SLC7A14: variants seen among roughly 807,000 people sequenced by gnomAD.
SLC7A14 encodes gamma-aminobutyric acid transporter SLC7A14.
SLC7A14 carries 37 observed loss-of-function variants against 60.2 expected under a neutral mutation model. That is an observed-to-expected ratio of 0.61 (90% confidence interval 0.47 to 0.81). The LOEUF (loss-of-function observed/expected upper bound fraction) is 0.81, where lower values mean the gene tolerates loss of function less well. Ranked by LOEUF, SLC7A14 falls within the 30% of genes least tolerant of loss-of-function variation. The pLI is 0.00. For missense variants in SLC7A14, 886 were observed against 982.7 expected (o/e 0.90, Z 1.32); for synonymous variants, 399 against 395.8 (o/e 1.01, Z -0.10).
In SLC7A14 at chr3:170,509,801, G is replaced by A. The variant is rs549989076; in HGVS notation, c.305-8456C>T. ...CTCTACGAAAAATACAAAATTAGCC[G>A]GGCGTGGTGGTGCATGCCCGTAATC... On this transcript the variant is annotated intron_variant, in intron 2 of 7. Transcript: ENST00000231706. 4.0e-5 allele frequency among the ~76,000 whole-genome samples: 6 copies of A among 150,304 alleles called. No individual in the cohort carries two copies. The East Asian group carries it at 7.8e-4, about 20-fold the overall frequency.
intron 1 of SLC7A14, among the ~76,000 whole-genome samples, chr3:170,564,795 G>A (rs550944916): frequency 3.3e-4 from 50 of 152,320 alleles, no homozygotes; most frequent in African/African-American, 1.2e-3. Context: ...CAGTACTCTA[G>A]GTGATGGGGG....
At chr3:170,524,186 G>A (rs1713423759) in intron 2 of SLC7A14, among the ~76,000 whole-genome samples, 1 of 152,140 alleles carries the variant, frequency 6.6e-6, no homozygotes, top group African/African-American at 2.4e-5. Flanking sequence ...CTAATTCTCT[G>A]AACAATGGTA....
intron 1 of SLC7A14, among the ~76,000 whole-genome samples, chr3:170,545,315 T>A (rs571195757): frequency 1.3e-5 from 2 of 152,348 alleles, no homozygotes; most frequent in Non-Finnish European, 2.9e-5. Context: ...CTCTGCCATC[T>A]ACTCTTGGCT....
At chr3:170,486,156 A>T in intron 5 of SLC7A14, 66 bp downstream of exon 5, 1 of 1,579,136 alleles carries the variant, frequency 6.3e-7, no homozygotes, top group Non-Finnish European at 8.6e-7. Context: ...CTCCTTCCTG[A>T]CAGAGAAGGG....
intron 2 of SLC7A14, among the ~76,000 whole-genome samples, chr3:170,513,007 T>A (rs1713036075): frequency 6.6e-6 from 1 of 151,944 alleles, no homozygotes; most frequent in African/African-American, 2.4e-5. Flanking sequence ...CTGACAAAGA[T>A]GGGGGTTATG....
chr3:170,549,207 CCTT>C (rs1199270634), intron 1 of SLC7A14, among the ~76,000 whole-genome samples: 2 of 141,624 alleles, frequency 1.4e-5, no homozygotes, highest in Admixed American at 7.0e-5. Flanking sequence ...GGGACACCGG[CCTT>C]CTTCTTTTTT....
intron 2 of SLC7A14, among the ~76,000 whole-genome samples, chr3:170,517,207 A>G (rs928318372): frequency 6.6e-6 from 1 of 152,214 alleles, no homozygotes; most frequent in Non-Finnish European, 1.5e-5. Context: ...TTGCTAAATT[A>G]TATCTTAGAG....
intron 1 of SLC7A14, among the ~76,000 whole-genome samples, chr3:170,557,190 G>A (rs1181253865): frequency 1.3e-5 from 2 of 151,912 alleles, no homozygotes; most frequent in Non-Finnish European, 2.9e-5. Flanking sequence ...AAATTGGTTG[G>A]TCTTCTTATT....
chr3:170,480,316 T>G lies in SLC7A14; in HGVS notation c.1966A>C (p.Ile656Leu). Residue 656 changes from isoleucine (I) to leucine (L), a missense_variant, in exon 7 of 8, where the codon ATC becomes CTC. Physicochemically the swap from Ile to Leu is conservative, Grantham distance 5. Coordinates refer to ENST00000231706, the MANE Select transcript of SLC7A14 (RefSeq NM_020949.3). Reference sequence around the variant, plus strand: ...ACAAAGCACCAGACCGCAAACCGGATCCATGTGATGGTGGAGAGCTTTAGC... The same window carrying G: ...ACAAAGCACCAGACCGCAAACCGGAGCCATGTGATGGTGGAGAGCTTTAGC... ...LMLKLSTITW[I>L]RFAVWCFVGL... 6.5e-7 allele frequency: 1 copy of G among 1,545,086 alleles called. No individual in the cohort carries two copies. The highest frequency in any genetic ancestry group is 8.7e-7 in the Non-Finnish European group (1 of 1,146,090).
chr3:170,550,590 C>T lies in SLC7A14; in HGVS notation c.-152-23502G>A, dbSNP rs1040376532. 6.2e-5 allele frequency among the ~76,000 whole-genome samples: 8 copies of T among 128,532 alleles called. No individual in the cohort carries two copies. In the South Asian group the frequency reaches 1.5e-3, roughly 24 times the overall value. 84.3% of individuals were successfully genotyped at this position (128,532 alleles called of 152,430 possible). A position where few individuals can be genotyped will look rare whatever the true frequency, so the allele number is the denominator to read the frequency against. On this transcript the variant is annotated intron_variant, in intron 1 of 7. Transcript: ENST00000231706. ...AGGCTGGAGTGCAATGGTGTGATCT[C>T]GGCTCACTGCAACCTCCGCCTCCCA... is the stretch of plus-strand genomic sequence containing the variant.
intron 6 of SLC7A14, 23 bp from the exon 7 acceptor site, chr3:170,481,189 G>C: frequency 6.2e-7 from 1 of 1,602,176 alleles, no homozygotes; most frequent in Non-Finnish European, 8.5e-7. Context: ...GGCAAGCAGA[G>C]GGTTAATGGT....
In SLC7A14 at chr3:170,482,054, A is replaced by T. The variant is rs185121981; in HGVS notation, c.1116-888T>A. 2.6e-5 allele frequency among the ~76,000 whole-genome samples: 4 copies of T among 152,306 alleles called. No homozygotes were observed. In the East Asian group the frequency reaches 7.7e-4, roughly 29 times the overall value. On this transcript the variant is annotated intron_variant, in intron 6 of 7. Coordinates refer to ENST00000231706, the MANE Select transcript of SLC7A14 (RefSeq NM_020949.3). ...GAGACACCACCTATAACAAAAGTTC[A>T]TGGGTTTAGTTGGCAAAATAGCACA...
chr3:170,519,271 G>A (rs1011182289), intron 2 of SLC7A14, among the ~76,000 whole-genome samples: 1 of 152,260 alleles, frequency 6.6e-6, no homozygotes, highest in Non-Finnish European at 1.5e-5. Flanking sequence ...AAACTGGAAG[G>A]CTTCAGGGTT....
chr3:170,504,812 A>G (rs1712723319), intron 2 of SLC7A14, among the ~76,000 whole-genome samples: 1 of 152,184 alleles, frequency 6.6e-6, no homozygotes, highest in South Asian at 2.1e-4. Context: ...CCTGTAGGAA[A>G]TACTGTATGA....
intron 1 of SLC7A14, among the ~76,000 whole-genome samples, chr3:170,534,041 A>G (rs1713763370): frequency 6.6e-6 from 1 of 152,288 alleles, no homozygotes; most frequent in Admixed American, 6.5e-5. Flanking sequence ...CTTCCTTTTC[A>G]AAGCTTGTTG....
At chr3:170,573,246 G>T (rs1715000150) in intron 1 of SLC7A14, among the ~76,000 whole-genome samples, 1 of 152,136 alleles carries the variant, frequency 6.6e-6, no homozygotes, top group African/African-American at 2.4e-5. Context: ...CAACCACTTG[G>T]ATGGTTTATT....
chr3:170,570,450 A>AAAAAT (rs572254632), intron 1 of SLC7A14: 16,944 of 145,010 alleles, frequency 0.12, 1,187 homozygotes, highest in Middle Eastern at 0.16. Flanking sequence ...CCCTGTCTCA[A>AAAAAT]AAAATAAAAT....
intron 1 of SLC7A14, among the ~76,000 whole-genome samples, chr3:170,563,198 C>T (rs1211933323): frequency 6.6e-6 from 1 of 152,106 alleles, no homozygotes; most frequent in African/African-American, 2.4e-5. Flanking sequence ...CTCAACCTCT[C>T]TTCTATCAAC....
chr3:170,565,457 G>A (rs1294952135), intron 1 of SLC7A14, among the ~76,000 whole-genome samples: 1 of 152,144 alleles, frequency 6.6e-6, no homozygotes, highest in Non-Finnish European at 1.5e-5. Context: ...TGTGTCCATG[G>A]TGGTTATTTT....
Sources: allele counts gnomAD v4.1 joint callset (sites outside exome capture counted in the v4.1 genomes callset), GRCh38; gene constraint gnomAD v4.1.1; transcripts MANE v1.5; gene names NCBI Gene and HGNC (gene_info 2026-07-23, HGNC 2026-07-21).